The following MPPED1 variants were observed in gnomAD, a reference collection of about 807,000 sequenced individuals.
MPPED1 encodes the protein metallophosphoesterase domain-containing protein 1.
In MPPED1, 16 loss-of-function variants were observed where a neutral mutation model predicts 36.2. That is an observed-to-expected ratio of 0.44 (90% confidence interval 0.30 to 0.67). The LOEUF (loss-of-function observed/expected upper bound fraction) is 0.67. MPPED1 is among the 30% of genes least tolerant of loss of function. MPPED1 has a pLI of 0.10. For missense variants in MPPED1, 307 were observed against 453.4 expected, an observed-to-expected ratio of 0.68 and a Z score of 2.93; for synonymous variants, 199 against 191.3, an observed-to-expected ratio of 1.04 and a Z score of -0.33.
chr22:43,432,796 A>AGG (rs1929787471), intron 2 of MPPED1, among the ~76,000 whole-genome samples: 1 of 92,076 alleles, frequency 1.1e-5, no homozygotes. Flanking sequence ...AAGGGAGGAG[A>AGG]GAGAGAGAAA....
intron 1 of MPPED1, chr22:43,418,028 A>T (rs1256234731): frequency 8.8e-6 from 4 of 456,038 alleles, no homozygotes; most frequent in Non-Finnish European, 1.8e-5. Flanking sequence ...ATTGACTGTC[A>T]TCCGAGTTTT....
At chr22:43,465,779 T>C (rs1183318870) in intron 3 of MPPED1, among the ~76,000 whole-genome samples, 2 of 152,080 alleles carry the variant, frequency 1.3e-5, no homozygotes, top group African/African-American at 4.8e-5. Flanking sequence ...GATCCTGGTG[T>C]GTGGAACAGC....
At chr22:43,437,850 TGGGA>T (rs1347138511) in intron 3 of MPPED1, among the ~76,000 whole-genome samples, 3 of 152,000 alleles carry the variant, frequency 2.0e-5, no homozygotes, top group Admixed American at 1.3e-4. Context: ...GGTGGGGTGT[TGGGA>T]GGAAGACATT....
intron 1 of MPPED1, among the ~76,000 whole-genome samples, chr22:43,420,707 A>G (rs184727364): frequency 2.0e-5 from 3 of 152,294 alleles, no homozygotes; most frequent in Admixed American, 6.5e-5. Context: ...CAGCCCAGAT[A>G]GACCTTTCTT....
intron 4 of MPPED1, among the ~76,000 whole-genome samples, chr22:43,478,515 A>G (rs1474947783): frequency 6.6e-6 from 1 of 152,092 alleles, no homozygotes; most frequent in Non-Finnish European, 1.5e-5. Context: ...GAGGCTTCCC[A>G]TGGGGAAAGC....
At chr22:43,452,419 G>A (rs986996226) in intron 3 of MPPED1, among the ~76,000 whole-genome samples, 1 of 152,090 alleles carries the variant, frequency 6.6e-6, no homozygotes, top group Non-Finnish European at 1.5e-5. Flanking sequence ...TCTCCCCACT[G>A]CTGCTCCTCA....
intron 3 of MPPED1, among the ~76,000 whole-genome samples, chr22:43,440,046 C>G (rs1221321196): frequency 1.3e-5 from 2 of 152,210 alleles, no homozygotes; most frequent in Non-Finnish European, 2.9e-5. Flanking sequence ...AGGGGAGGGT[C>G]AAGGCTTCAT....
At chr22:43,495,602 A>G (rs868476794) in intron 4 of MPPED1, among the ~76,000 whole-genome samples, 371 of 12,094 alleles carry the variant, frequency 0.031, 2 homozygotes, top group East Asian at 0.051. Flanking sequence ...GGAGGTGGTG[A>G]TGGTGGAGGT....
chr22:43,500,272 A>AGGTGGTGGTGGTGGT (rs1344606345), intron 5 of MPPED1, among the ~76,000 whole-genome samples: 1 of 8,256 alleles, frequency 1.2e-4, no homozygotes, highest in Admixed American at 1.3e-3. Flanking sequence ...ATGGTGATGG[A>AGGTGGTGGTGGTGGT]GGTGGCGGTG....
chr22:43,491,674 AGGTGGTGGTTATGGAGGT>A (rs1314456845), intron 4 of MPPED1, among the ~76,000 whole-genome samples: 1 of 66,856 alleles, frequency 1.5e-5, no homozygotes, highest in East Asian at 4.8e-4. Context: ...ATGGTGATGG[AGGTGGTGGTTATGGAGGT>A]GGTGGTGGTG....
intron 3 of MPPED1, among the ~76,000 whole-genome samples, chr22:43,451,586 C>T (rs1438719171): frequency 6.6e-6 from 1 of 152,178 alleles, no homozygotes; most frequent in African/African-American, 2.4e-5. Context: ...GGGGAAGCAT[C>T]GAGCTGACAA....
chr22:43,426,760 A>C (rs1569065033), intron 2 of MPPED1, among the ~76,000 whole-genome samples: 3 of 152,246 alleles, frequency 2.0e-5, no homozygotes. Context: ...GCCCAGGAAA[A>C]TGCTTGTCTC....
chr22:43,415,147 C>A (rs1466117472), intron 1 of MPPED1, among the ~76,000 whole-genome samples: 1 of 144,166 alleles, frequency 6.9e-6, no homozygotes, highest in Admixed American at 7.4e-5. Context: ...TGTAATGAGA[C>A]CATCAGTGAG....
At chr22:43,425,656 C>T (rs1929442277) in intron 2 of MPPED1, among the ~76,000 whole-genome samples, 1 of 152,214 alleles carries the variant, frequency 6.6e-6, no homozygotes, top group South Asian at 2.1e-4. Flanking sequence ...CATGGGGAGA[C>T]CGAGCCCCAG....
At position 43,436,045 on chromosome 22, in the gene MPPED1, C is replaced by A. The variant is rs187557281; in HGVS notation, c.406+830C>A. On this transcript the variant is annotated intron_variant, in intron 3 of 6. Transcript: ENST00000443721. ...GCTGGTCTCGGCAGCAGAGCCCTTT[C>A]CCATGCACTGCGCCATGGTGGGTGA... is the stretch of plus-strand genomic sequence containing the variant. Among the ~76,000 whole-genome samples, 158 of 152,314 alleles carry A rather than the reference C, an allele frequency of 1.0e-3. 1 individual carries two copies. The highest frequency in any genetic ancestry group is 3.7e-3 in the African/African-American group (152 of 41,574).
intron 3 of MPPED1, among the ~76,000 whole-genome samples, chr22:43,464,504 G>C (rs953506956): frequency 1.3e-5 from 2 of 152,280 alleles, no homozygotes; most frequent in Non-Finnish European, 2.9e-5. Flanking sequence ...GGGACCCCAG[G>C]GTTCATCCCC....
intron 1 of MPPED1, among the ~76,000 whole-genome samples, chr22:43,423,250 G>A (rs556534258): frequency 2.7e-4 from 41 of 152,318 alleles, no homozygotes; most frequent in South Asian, 1.0e-3. Flanking sequence ...AGATCTGGGC[G>A]GGCCTGGCTC....
chr22:43,433,516 G>A (rs898139800), intron 2 of MPPED1, among the ~76,000 whole-genome samples: 14 of 151,022 alleles, frequency 9.3e-5, no homozygotes, highest in Non-Finnish European at 1.6e-4. Flanking sequence ...GGTCATCATC[G>A]GATTCATATT....
chr22:43,477,485 T>C (rs1343724101), intron 4 of MPPED1, among the ~76,000 whole-genome samples: 1 of 152,186 alleles, frequency 6.6e-6, no homozygotes, highest in East Asian at 1.9e-4. Flanking sequence ...CCTGGGAGGC[T>C]GGGTCCCTGC....
Sources: allele counts gnomAD v4.1 joint callset (sites outside exome capture counted in the v4.1 genomes callset), GRCh38; gene constraint gnomAD v4.1.1; transcripts MANE v1.5; gene names NCBI Gene and HGNC (gene_info 2026-07-23, HGNC 2026-07-21).